The following MARCHF1 variants were observed in gnomAD, a reference collection of about 807,000 sequenced individuals.
MARCHF1 encodes the protein E3 ubiquitin-protein ligase MARCHF1.
MARCHF1 carries 40 observed loss-of-function variants against 54.2 expected under a neutral mutation model. The ratio of observed to expected loss-of-function variants is 0.74; its 90% CI spans 0.57 to 0.96. The LOEUF (loss-of-function observed/expected upper bound fraction) is 0.96, where lower values mean the gene tolerates loss of function less well. Among genes scored for constraint, MARCHF1 ranks in the 40% least tolerant of loss-of-function variants. MARCHF1 has a pLI of 0.00. For synonymous variants in MARCHF1, 236 were observed against 236.3 expected (o/e 1.00, Z 0.01); for missense variants, 586 against 656.5 (o/e 0.89, Z 1.17).
intron 3 of MARCHF1, among the ~76,000 whole-genome samples, chr4:163,881,386 G>A (rs1191748175): frequency 3.3e-5 from 5 of 152,178 alleles, no homozygotes; most frequent in Middle Eastern, 3.4e-3. Context: ...CAGGAGAATC[G>A]CTTGAACCTG....
intron 4 of MARCHF1, among the ~76,000 whole-genome samples, chr4:163,818,804 G>A (rs1388974898): frequency 6.6e-6 from 1 of 152,018 alleles, no homozygotes; most frequent in African/African-American, 2.4e-5. Flanking sequence ...TGAACCTCAT[G>A]GTCAAGACAG....
At chr4:164,159,164 A>T (rs1352514762) in intron 1 of MARCHF1, among the ~76,000 whole-genome samples, 1 of 152,216 alleles carries the variant, frequency 6.6e-6, no homozygotes, top group Non-Finnish European at 1.5e-5. Flanking sequence ...TAAAGTAATT[A>T]ATGTTTTAAG....
chr4:163,949,534 G>A (rs191229338), intron 3 of MARCHF1, among the ~76,000 whole-genome samples: 9 of 152,338 alleles, frequency 5.9e-5, no homozygotes, highest in East Asian at 1.9e-4. Flanking sequence ...GCCATTCAGC[G>A]GGTCGCAAGT....
At chr4:163,529,386 C>A (rs28477604) in intron 9 of MARCHF1, among the ~76,000 whole-genome samples, 243 of 152,080 alleles carry the variant, frequency 1.6e-3, no homozygotes, top group African/African-American at 5.7e-3. Flanking sequence ...TATAGCTAGA[C>A]TTTTAAGGAA....
At chr4:163,974,189 G>T (rs1752604906) in intron 3 of MARCHF1, among the ~76,000 whole-genome samples, 1 of 152,136 alleles carries the variant, frequency 6.6e-6, no homozygotes, top group Admixed American at 6.5e-5. Flanking sequence ...ATTTTGAATA[G>T]GGTGAGCTTG....
chr4:164,206,693 T>C (rs759704347), intron 1 of MARCHF1, among the ~76,000 whole-genome samples: 1 of 152,108 alleles, frequency 6.6e-6, no homozygotes, highest in Non-Finnish European at 1.5e-5. Context: ...TCACCTTTGT[T>C]TCAAGTAAAA....
intron 1 of MARCHF1, among the ~76,000 whole-genome samples, chr4:164,312,414 C>G (rs1340334168): frequency 2.0e-5 from 3 of 150,646 alleles, no homozygotes; most frequent in Non-Finnish European, 1.5e-5. Context: ...GCTCCGCCTC[C>G]CGGGTTCACG....
At chr4:164,210,046 G>T (rs967884160) in intron 1 of MARCHF1, among the ~76,000 whole-genome samples, 3 of 151,934 alleles carry the variant, frequency 2.0e-5, no homozygotes, top group Non-Finnish European at 4.4e-5. Context: ...TATTCTTATT[G>T]AACAGTACAA....
chr4:163,527,426 T>C lies in MARCHF1; in HGVS notation c.*1322A>G, dbSNP rs550799125. ...TATGGATGAAATAAGCCTTACACAT[T>C]TGATTTAATAACAAAAATAGGTAAT... On this transcript the variant is annotated 3_prime_UTR_variant, in exon 10 of 10. Transcript: ENST00000514618. 61 of 152,202 alleles carry C rather than the reference T, an allele frequency of 4.0e-4. No homozygotes were observed. The highest frequency in any genetic ancestry group is 1.4e-3 in the African/African-American group (60 of 41,574). 9.4% of individuals were successfully genotyped at this position (152,202 alleles called of 1,614,324 possible). A position where few individuals can be genotyped will look rare whatever the true frequency, so the allele number is the denominator to read the frequency against.
chr4:163,593,290 A>G (rs1699669833), intron 7 of MARCHF1, among the ~76,000 whole-genome samples: 1 of 152,206 alleles, frequency 6.6e-6, no homozygotes, highest in Non-Finnish European at 1.5e-5. Flanking sequence ...TGACAAAATT[A>G]AACTAGAGAT....
At position 163,854,291 on chromosome 4, in the gene MARCHF1, C is replaced by A. The variant is rs185960569; in HGVS notation, c.-38-122G>T. The stretch of plus-strand genomic sequence containing the variant: ...ACTAATTGAGACTTTTTTAAAAAAA[C>A]CAGGGGTTACAAGGAGGAAAAGAAG... On this transcript the variant is annotated intron_variant, in intron 3 of 9. Coordinates refer to ENST00000514618, the MANE Select transcript of MARCHF1 (RefSeq NM_001394959.1). The A allele has an allele frequency of 3.2e-3, 2,236 of 694,444 alleles. 5 individuals are homozygous for A. The highest frequency in any genetic ancestry group is 4.4e-3 in the Non-Finnish European group (1,956 of 444,446). 43.0% of individuals were successfully genotyped at this position (694,444 alleles called of 1,614,324 possible).
At chr4:164,160,968 A>C (rs191267138) in intron 1 of MARCHF1, among the ~76,000 whole-genome samples, 80 of 152,332 alleles carry the variant, frequency 5.3e-4, no homozygotes, top group Admixed American at 1.1e-3. Context: ...ATCTAAGAAT[A>C]ACATGATAGT....
At position 164,211,331 on chromosome 4, in the gene MARCHF1, G is replaced by GTATATA. The variant is rs10604337; in HGVS notation, c.-322-99675_-322-99670dup. ...AACCTGCATATGTGTATGTATGTAT[G>GTATATA]TATATATATATATATATATATATAC... is the stretch of plus-strand genomic sequence containing the variant. On this transcript the variant is annotated intron_variant, in intron 1 of 9. Transcript: ENST00000514618. 5.4e-3 allele frequency among the ~76,000 whole-genome samples: 624 copies of GTATATA among 115,952 alleles called. 10 individuals carry two copies. The highest frequency in any genetic ancestry group is 0.015 in the African/African-American group (541 of 36,178). 76.1% of individuals were successfully genotyped at this position (115,952 alleles called of 152,430 possible).
intron 1 of MARCHF1, among the ~76,000 whole-genome samples, chr4:164,216,701 T>C (rs1312984867): frequency 6.6e-6 from 1 of 152,190 alleles, no homozygotes; most frequent in Admixed American, 6.5e-5. Context: ...TCTGTGTTTT[T>C]ACCAATTTGA....
chr4:164,016,424 A>G (rs953197520), intron 2 of MARCHF1, among the ~76,000 whole-genome samples: 1 of 152,174 alleles, frequency 6.6e-6, no homozygotes, highest in African/African-American at 2.4e-5. Context: ...GGATTGCAAT[A>G]CAAGATGAGA....
intron 3 of MARCHF1, among the ~76,000 whole-genome samples, chr4:163,922,869 T>C (rs964997671): frequency 2.0e-5 from 3 of 152,156 alleles, no homozygotes; most frequent in African/African-American, 7.2e-5. Context: ...CTTCCAAAAA[T>C]TTTAGAGCTA....
chr4:163,613,540 T>C, intron 5 of MARCHF1, 147 bp from the exon 6 acceptor site: 5 of 1,555,738 alleles, frequency 3.2e-6, no homozygotes, highest in Non-Finnish European at 4.3e-6. Context: ...TATAGGAAGT[T>C]TGAGGTTGGT....
intron 2 of MARCHF1, among the ~76,000 whole-genome samples, chr4:164,079,468 G>A (rs185528491): frequency 2.6e-5 from 4 of 152,120 alleles, no homozygotes; most frequent in Admixed American, 2.6e-4. Flanking sequence ...ATAAATATGT[G>A]CATTTTCTTT....
At chr4:163,653,072 G>GAA (rs147889340) in intron 5 of MARCHF1, among the ~76,000 whole-genome samples, 1 of 151,522 alleles carries the variant, frequency 6.6e-6, no homozygotes, top group African/African-American at 2.4e-5. Flanking sequence ...GTAAGGGGAT[G>GAA]GAGTCATTGG....
Sources: allele counts gnomAD v4.1 joint callset (sites outside exome capture counted in the v4.1 genomes callset), GRCh38; gene constraint gnomAD v4.1.1; transcripts MANE v1.5; gene names NCBI Gene and HGNC (gene_info 2026-07-23, HGNC 2026-07-21).